Variants in FAM222B observed in about 807,000 individuals in gnomAD.
FAM222B encodes protein FAM222B.
Under a neutral mutation model 38.0 loss-of-function variants are expected in FAM222B, and 12 were observed. The observed-to-expected ratio is 0.32, with a 90% confidence interval of 0.20 to 0.51. The LOEUF is 0.51. FAM222B is among the 20% of genes least tolerant of loss of function. The probability of loss-of-function intolerance (pLI) is 0.97; values close to 1 mark genes in which losing one functional copy is unlikely to be tolerated. For missense variants in FAM222B, 716 were observed against 754.2 expected (o/e 0.95, Z 0.59); for synonymous variants, 329 against 317.2 (o/e 1.04, Z -0.40).
At chr17:28,799,724 CA>C (rs1187049237) in intron 1 of FAM222B, among the ~76,000 whole-genome samples, 1 of 152,058 alleles carries the variant, frequency 6.6e-6, no homozygotes, top group Non-Finnish European at 1.5e-5. Flanking sequence ...CCTCCTGCCT[CA>C]ATCTCCTGAG....
At chr17:28,844,433 G>C (rs958943056), upstream of FAM222B, among the ~76,000 whole-genome samples, 2 of 152,208 alleles carry the variant, frequency 1.3e-5, no homozygotes, top group African/African-American at 4.8e-5. Context: ...GCCGAGGCGG[G>C]CGGATCATGA....
intron 1 of FAM222B, among the ~76,000 whole-genome samples, chr17:28,784,491 T>TAAAAAAAAAAAAAA (rs559624246): frequency 2.2e-4 from 8 of 36,050 alleles, no homozygotes; most frequent in Admixed American, 4.1e-4. Context: ...TCCCCTCTCT[T>TAAAAAAAAAAAAAA]AAAAAAAAAA....
chr17:28,828,040 T>C (rs536418330), intron 1 of FAM222B, among the ~76,000 whole-genome samples: 2 of 149,298 alleles, frequency 1.3e-5, no homozygotes, highest in African/African-American at 4.9e-5. Flanking sequence ...AAATCAGACC[T>C]GGGACCAACC....
chr17:28,770,805 CGT>C (rs1377028400), intron 1 of FAM222B, among the ~76,000 whole-genome samples: 1 of 151,506 alleles, frequency 6.6e-6, no homozygotes, highest in Non-Finnish European at 1.5e-5. Context: ...CTCCTGACCC[CGT>C]GATCTGCCCG....
chr17:28,804,721 G>A (rs1402193769), intron 1 of FAM222B, among the ~76,000 whole-genome samples: 1 of 152,072 alleles, frequency 6.6e-6, no homozygotes, highest in Non-Finnish European at 1.5e-5. Flanking sequence ...GTCCAGTACT[G>A]AGTTATATAC....
At chr17:28,805,315 A>T (rs1437132552) in intron 1 of FAM222B, among the ~76,000 whole-genome samples, 1 of 152,236 alleles carries the variant, frequency 6.6e-6, no homozygotes, top group African/African-American at 2.4e-5. Flanking sequence ...CAGGCAGATC[A>T]CTTGAGGCCA....
chr17:28,819,282 T>G (rs2038133048), intron 1 of FAM222B, among the ~76,000 whole-genome samples: 1 of 151,984 alleles, frequency 6.6e-6, no homozygotes, highest in African/African-American at 2.4e-5. Context: ...TAAAAAAGAG[T>G]TGAATGCCAC....
At chr17:28,818,326 A>AG (rs765789428) in intron 1 of FAM222B, among the ~76,000 whole-genome samples, 1 of 152,098 alleles carries the variant, frequency 6.6e-6, no homozygotes, top group Non-Finnish European at 1.5e-5. Flanking sequence ...CAGGAGATCG[A>AG]GACCATCTGG....
chr17:28,833,572 C>T (rs2038739393), intron 1 of FAM222B, among the ~76,000 whole-genome samples: 1 of 141,816 alleles, frequency 7.1e-6, no homozygotes, highest in African/African-American at 2.7e-5. Context: ...GAGATCGTGC[C>T]ACTGTACTCC....
At chr17:28,806,503 T>C (rs1023969201) in intron 1 of FAM222B, among the ~76,000 whole-genome samples, 2 of 152,146 alleles carry the variant, frequency 1.3e-5, no homozygotes, top group Non-Finnish European at 2.9e-5. Flanking sequence ...GGTGCACACC[T>C]GTAGTCCCTT....
chr17:28,819,308 C>G (rs2038134086), intron 1 of FAM222B, among the ~76,000 whole-genome samples: 1 of 152,078 alleles, frequency 6.6e-6, no homozygotes, highest in Non-Finnish European at 1.5e-5. Flanking sequence ...ACAAAGAACT[C>G]TTATAACTAA....
upstream of FAM222B, among the ~76,000 whole-genome samples, chr17:28,846,117 G>A (rs1366092454): frequency 1.3e-5 from 2 of 150,398 alleles, no homozygotes; most frequent in East Asian, 2.0e-4. Context: ...GCAGGAGAAC[G>A]GCGTGAACCC....
At chr17:28,798,513 CTGTT>C (rs1431981983) in intron 1 of FAM222B, among the ~76,000 whole-genome samples, 3 of 151,528 alleles carry the variant, frequency 2.0e-5, no homozygotes, top group Admixed American at 2.0e-4. Flanking sequence ...CATGGTTTAC[CTGTT>C]AGTTTCAGTG....
chr17:28,829,873 T>G (rs1471413081), intron 1 of FAM222B, among the ~76,000 whole-genome samples: 2 of 152,056 alleles, frequency 1.3e-5, no homozygotes, highest in Non-Finnish European at 2.9e-5. Context: ...AGACCGAGTC[T>G]CACTCTGTCT....
intron 1 of FAM222B, among the ~76,000 whole-genome samples, chr17:28,829,456 A>G (rs928618350): frequency 6.6e-6 from 1 of 151,722 alleles, no homozygotes; most frequent in East Asian, 1.9e-4. Flanking sequence ...ACAGGCATAA[A>G]CCACTGCGCC....
At chr17:28,802,969 A>G (rs529606317) in intron 1 of FAM222B, 1 of 152,150 alleles carries the variant, frequency 6.6e-6, no homozygotes, top group Non-Finnish European at 1.5e-5. Flanking sequence ...CCAGTGTTAG[A>G]AAACTTTGCT....
chr17:28,832,513 T>G (rs2038702255), intron 1 of FAM222B, among the ~76,000 whole-genome samples: 1 of 152,196 alleles, frequency 6.6e-6, no homozygotes, highest in South Asian at 2.1e-4. Context: ...ACCTAAATCG[T>G]ACACATCCTT....
chr17:28,815,771 T>C (rs967043750), intron 1 of FAM222B, among the ~76,000 whole-genome samples: 1 of 152,102 alleles, frequency 6.6e-6, no homozygotes, highest in Non-Finnish European at 1.5e-5. Context: ...GAGATCAGCC[T>C]GGCCAATATG....
chr17:28,764,758 T>A (rs865989632), intron 2 of FAM222B, among the ~76,000 whole-genome samples: 20 of 148,850 alleles, frequency 1.3e-4, no homozygotes, highest in Middle Eastern at 3.4e-3. Context: ...AAAAAATAAT[T>A]AAAAAAAAAA....
Sources: gnomAD v4.1 joint callset for allele counts (sites outside exome capture counted in the v4.1 genomes callset) on GRCh38, gnomAD v4.1.1 for gene constraint, MANE v1.5 for transcripts, NCBI Gene and HGNC (gene_info 2026-07-23, HGNC 2026-07-21) for gene names.